DLG2: variants seen among roughly 807,000 people sequenced by gnomAD.
DLG2 encodes disks large homolog 2.
Under a neutral mutation model 132.5 loss-of-function variants are expected in DLG2, and 45 were observed. The ratio of observed to expected loss-of-function variants is 0.34; its 90% CI spans 0.27 to 0.44. DLG2 has a LOEUF of 0.44. Ranked by LOEUF, DLG2 falls within the 20% of genes least tolerant of loss-of-function variation. The pLI, the probability that DLG2 is intolerant of heterozygous loss-of-function variation, is 1.00. For missense variants in DLG2, 1,045 were observed against 1,196.9 expected (o/e 0.87, Z 1.87); for synonymous variants, 424 against 419.6 (o/e 1.01, Z -0.13).
intron 14 of DLG2, among the ~76,000 whole-genome samples, chr11:83,940,519 A>G (rs2082410467): frequency 6.6e-6 from 1 of 152,108 alleles, no homozygotes. Context: ...GCCCCTCCTC[A>G]CATACCTGAC....
intron 18 of DLG2, among the ~76,000 whole-genome samples, chr11:83,720,309 A>AAAAAAAAAAAAAAAAAAG (rs1566691753): frequency 1.4e-5 from 2 of 146,414 alleles, no homozygotes; most frequent in East Asian, 4.1e-4. Context: ...AAAAAAAAAA[A>AAAAAAAAAAAAAAAAAAG]AAAAAAAAAA....
At chr11:84,879,416 C>G (rs911233639) in intron 6 of DLG2, among the ~76,000 whole-genome samples, 3 of 152,064 alleles carry the variant, frequency 2.0e-5, no homozygotes, top group Non-Finnish European at 4.4e-5. Context: ...AATGATTTTA[C>G]AAAACTATAG....
chr11:83,677,137 T>C (rs1343992463), intron 18 of DLG2, among the ~76,000 whole-genome samples: 4 of 152,182 alleles, frequency 2.6e-5, no homozygotes, highest in African/African-American at 9.7e-5. Flanking sequence ...CCTTTTCTTA[T>C]AATCATATGA....
intron 3 of DLG2, among the ~76,000 whole-genome samples, chr11:85,577,757 A>T (rs980250645): frequency 2.6e-5 from 4 of 152,190 alleles, no homozygotes; most frequent in African/African-American, 9.7e-5. Context: ...ATAGAAAAAC[A>T]TTCCATACTC....
At chr11:83,662,066 T>A (rs1035375819) in intron 18 of DLG2, among the ~76,000 whole-genome samples, 1 of 152,074 alleles carries the variant, frequency 6.6e-6, no homozygotes, top group South Asian at 2.1e-4. Context: ...AAATACCAAT[T>A]TTTTTGGTAA....
intron 7 of DLG2, among the ~76,000 whole-genome samples, chr11:84,285,728 T>C (rs774724262): frequency 6.6e-6 from 1 of 152,196 alleles, no homozygotes; most frequent in Non-Finnish European, 1.5e-5. Context: ...CGACATCCTG[T>C]TATAGCTTTT....
chr11:84,929,577 G>A (rs2047858631), intron 6 of DLG2, among the ~76,000 whole-genome samples: 1 of 152,060 alleles, frequency 6.6e-6, no homozygotes, highest in Non-Finnish European at 1.5e-5. Context: ...TGCTATCAGT[G>A]ACACAATATT....
At chr11:83,819,112 A>G (rs941739341) in intron 17 of DLG2, among the ~76,000 whole-genome samples, 1 of 152,114 alleles carries the variant, frequency 6.6e-6, no homozygotes, top group African/African-American at 2.4e-5. Context: ...CCTGATGATG[A>G]TCACGAGCCC....
At chr11:85,361,442 A>G (rs986095882) in intron 3 of DLG2, among the ~76,000 whole-genome samples, 1 of 151,906 alleles carries the variant, frequency 6.6e-6, no homozygotes, top group Non-Finnish European at 1.5e-5. Context: ...CCAATAAATA[A>G]TTTTTCAACC....
intron 3 of DLG2, among the ~76,000 whole-genome samples, chr11:85,355,764 G>A (rs541552694): frequency 1.3e-5 from 2 of 152,230 alleles, no homozygotes; most frequent in Admixed American, 1.3e-4. Context: ...CATATATATA[G>A]GATAACAATT....
chr11:84,327,134 T>TTTCC (rs2098436555), intron 7 of DLG2, among the ~76,000 whole-genome samples: 1 of 147,132 alleles, frequency 6.8e-6, no homozygotes, highest in Admixed American at 6.8e-5. Flanking sequence ...TTTTTTTTTT[T>TTTCC]GAGATGGAGT....
chr11:85,297,587 A>G (rs936306425), intron 3 of DLG2, among the ~76,000 whole-genome samples: 1 of 152,016 alleles, frequency 6.6e-6, no homozygotes, highest in African/African-American at 2.4e-5. Flanking sequence ...TTCTTCTCGT[A>G]TTTTCTTCTT....
chr11:84,869,417 G>C (rs1372586971), intron 6 of DLG2, among the ~76,000 whole-genome samples: 1 of 152,168 alleles, frequency 6.6e-6, no homozygotes, highest in Non-Finnish European at 1.5e-5. Context: ...AGTTAAGATA[G>C]TTCTGTTTCA....
chr11:85,621,920 T>C (rs573439216), intron 2 of DLG2, among the ~76,000 whole-genome samples: 1 of 152,366 alleles, frequency 6.6e-6, no homozygotes, highest in African/African-American at 2.4e-5. Flanking sequence ...GGTAAAATGC[T>C]GTCAAACAGC....
chr11:83,890,037 C>T (rs1420651075), intron 15 of DLG2, among the ~76,000 whole-genome samples: 1 of 151,858 alleles, frequency 6.6e-6, no homozygotes, highest in Admixed American at 6.6e-5. Context: ...GTGCAGCATA[C>T]CAGCATGGCA....
intron 3 of DLG2, among the ~76,000 whole-genome samples, chr11:85,296,444 C>A (rs1285001940): frequency 1.4e-5 from 2 of 147,684 alleles, no homozygotes; most frequent in Non-Finnish European, 3.0e-5. Flanking sequence ...GCCAAAATGG[C>A]AAGATTGTTT....
chr11:84,173,327 G>A (rs1410219320), intron 8 of DLG2, among the ~76,000 whole-genome samples: 1 of 152,144 alleles, frequency 6.6e-6, no homozygotes, highest in African/African-American at 2.4e-5. Context: ...TATTTCATGA[G>A]TTTGTACATG....
rs572754926 is a variant in DLG2 at position 85,175,786 on chromosome 11, C to T, written c.187-21135G>A. Among the ~76,000 whole-genome samples, 300 of 152,042 alleles carry T rather than the reference C, an allele frequency of 2.0e-3. 1 individual carries two copies. Among genetic ancestry groups the T allele is most frequent in the African/African-American group, 6.7e-3 (279 of 41,496 alleles). On this transcript the variant is annotated intron_variant, in intron 4 of 27. Transcript: ENST00000376104. ...AAAGTCCCAGCATACAAAATCAATA[C>T]GCAAAAATCACTAGCATTCCTATAC...
intron 7 of DLG2, among the ~76,000 whole-genome samples, chr11:84,365,963 T>C (rs1344344201): frequency 2.0e-5 from 3 of 151,936 alleles, no homozygotes; most frequent in East Asian, 1.9e-4. Flanking sequence ...ATACAGAGAA[T>C]GCCACAGAGA....
Sources: gnomAD v4.1 joint callset for allele counts (sites outside exome capture counted in the v4.1 genomes callset) on GRCh38, gnomAD v4.1.1 for gene constraint, MANE v1.5 for transcripts, NCBI Gene and HGNC (gene_info 2026-07-23, HGNC 2026-07-21) for gene names.